The following LHFPL1 variants were observed in gnomAD, a reference collection of about 807,000 sequenced individuals.
LHFPL1 encodes LHFPL tetraspan subfamily member 1, also known as LHFPL tetraspan subfamily member 1 protein.
A neutral mutation model predicts 12.1 loss-of-function variants in LHFPL1; 4 were observed. The ratio of observed to expected loss-of-function variants is 0.33; its 90% CI spans 0.16 to 0.76. LHFPL1 has a LOEUF of 0.76. Among genes scored for constraint, LHFPL1 ranks in the 30% least tolerant of loss-of-function variants. The pLI, the probability that LHFPL1 is intolerant of heterozygous loss-of-function variation, is 0.61. For synonymous variants in LHFPL1, 52 were observed against 61.9 expected, an observed-to-expected ratio of 0.84 and a Z score of 0.75; for missense variants, 141 against 174.1, an observed-to-expected ratio of 0.81 and a Z score of 1.07.
At chrX:112,671,477 AT>A in intron 1 of LHFPL1, 73 bp from the exon 2 acceptor site, 1 of 1,198,242 alleles carries the variant, frequency 8.3e-7, no homozygotes. Context: ...CCACTGGCCT[AT>A]TTTTCATCTG....
At chrX:112,651,926 C>T (rs1255558577) in intron 3 of LHFPL1, among the ~76,000 whole-genome samples, 2 of 112,864 alleles carry the variant, frequency 1.8e-5, no homozygotes, top group African/African-American at 3.2e-5. Context: ...CTAATGCCTA[C>T]GTCTCTGAGA....
Position 112,651,157 on chromosome X carries a change from G to A in LHFPL1, c.481+9470C>T, listed in dbSNP as rs188309346. 4.2e-3 allele frequency among the ~76,000 whole-genome samples: 469 copies of A among 111,750 alleles called. 1 individual carries two copies. The highest frequency in any genetic ancestry group is 0.014 in the African/African-American group (446 of 30,784). Reference sequence around the variant, plus strand: ...TGAAGAATTTCCCATTACTTAGACTGGGCTCTCTTCTCTTCTCACTCAACT... The same window carrying A: ...TGAAGAATTTCCCATTACTTAGACTAGGCTCTCTTCTCTTCTCACTCAACT... On this transcript the variant is annotated intron_variant, in intron 3 of 3. Coordinates refer to ENST00000371968, the MANE Select transcript of LHFPL1 (RefSeq NM_178175.4).
At chrX:112,633,971 A>C (rs1199765845) in intron 3 of LHFPL1, among the ~76,000 whole-genome samples, 2 of 111,316 alleles carry the variant, frequency 1.8e-5, no homozygotes, top group African/African-American at 6.5e-5. Flanking sequence ...CACACACACA[A>C]ACACACACAC....
At chrX:112,664,773 G>T (rs1183843497) in intron 2 of LHFPL1, among the ~76,000 whole-genome samples, 1 of 111,797 alleles carries the variant, frequency 8.9e-6, no homozygotes, top group East Asian at 2.8e-4. Flanking sequence ...AATTATATTT[G>T]TCTCCAGCAG....
intron 3 of LHFPL1, among the ~76,000 whole-genome samples, chrX:112,656,148 G>C (rs763875871): frequency 1.4e-4 from 16 of 111,571 alleles, no homozygotes; most frequent in Non-Finnish European, 2.4e-4. Flanking sequence ...GCAAGGTATA[G>C]AATGAATTAT....
At chrX:112,670,418 G>A (rs1174503268) in intron 2 of LHFPL1, among the ~76,000 whole-genome samples, 1 of 112,435 alleles carries the variant, frequency 8.9e-6, no homozygotes, top group Non-Finnish European at 1.9e-5. Context: ...GGAAGGACAA[G>A]TAAGGTGGGT....
intron 1 of LHFPL1, among the ~76,000 whole-genome samples, chrX:112,678,726 C>A (rs762316734): frequency 2.7e-5 from 3 of 112,072 alleles, no homozygotes; most frequent in Non-Finnish European, 5.6e-5. Context: ...GTTCAAAATG[C>A]AGACTATGTC....
chrX:112,671,464 G>C (rs1363190785), intron 1 of LHFPL1, 60 bp from the exon 2 acceptor site: 2 of 1,202,633 alleles, frequency 1.7e-6, no homozygotes, highest in Admixed American at 4.4e-5. Context: ...TACCATGTAG[G>C]CTCCACTGGC....
chrX:112,654,920 T>A (rs1349271284), intron 3 of LHFPL1, among the ~76,000 whole-genome samples: 2 of 111,770 alleles, frequency 1.8e-5, no homozygotes, highest in Non-Finnish European at 3.8e-5. Flanking sequence ...TGGCATTAAC[T>A]GATGTCATTC....
chrX:112,635,666 G>A (rs982115996), intron 3 of LHFPL1, among the ~76,000 whole-genome samples: 26 of 111,984 alleles, frequency 2.3e-4, no homozygotes, highest in Admixed American at 9.5e-4. Context: ...GAATATCCAG[G>A]GAAGGAGGAA....
intron 3 of LHFPL1, among the ~76,000 whole-genome samples, chrX:112,638,059 G>A (rs1007839606): frequency 9.0e-6 from 1 of 111,567 alleles, no homozygotes; most frequent in African/African-American, 3.3e-5. Flanking sequence ...ATAGTTCAAG[G>A]GTGTAGATTG....
chrX:112,651,700 C>T (rs1867266717), intron 3 of LHFPL1, among the ~76,000 whole-genome samples: 1 of 111,896 alleles, frequency 8.9e-6, no homozygotes, highest in Non-Finnish European at 1.9e-5. Context: ...GCTCCACTGT[C>T]ACCTTTGCAA....
chrX:112,665,183 CT>C (rs370572077), intron 2 of LHFPL1, among the ~76,000 whole-genome samples: 5,891 of 97,845 alleles, frequency 0.06, 161 homozygotes, highest in Middle Eastern at 0.093. Context: ...AAGTCTGTCT[CT>C]TTTTTTTTTT....
intron 1 of LHFPL1, among the ~76,000 whole-genome samples, chrX:112,674,182 A>G (rs758120962): frequency 2.1e-4 from 23 of 111,906 alleles, no homozygotes; most frequent in Non-Finnish European, 4.1e-4. Context: ...ACAAAAACAT[A>G]AAGTGGGGAA....
chrX:112,677,090 G>A (rs1451221186), intron 1 of LHFPL1, among the ~76,000 whole-genome samples: 3 of 111,522 alleles, frequency 2.7e-5, no homozygotes, highest in Admixed American at 9.5e-5. Flanking sequence ...AAAGTGAAAC[G>A]TTGCTTTTAT....
At chrX:112,679,409 G>GAAAT (rs1257601789) in intron 1 of LHFPL1, among the ~76,000 whole-genome samples, 1 of 111,633 alleles carries the variant, frequency 9.0e-6, no homozygotes, top group Admixed American at 9.5e-5. Context: ...TAACCCCTTA[G>GAAAT]ATTTAGGCAA....
At chrX:112,671,610 C>G in intron 1 of LHFPL1, among the ~76,000 whole-genome samples, 1 of 112,159 alleles carries the variant, frequency 8.9e-6, no homozygotes, top group Non-Finnish European at 1.9e-5. Context: ...CCCACCTTCC[C>G]TTCCTTCTGC....
chrX:112,675,337 C>T (rs888640542), intron 1 of LHFPL1, among the ~76,000 whole-genome samples: 5 of 110,846 alleles, frequency 4.5e-5, no homozygotes, highest in Admixed American at 1.9e-4. Context: ...GGCAGAGGAA[C>T]GGACTATCTC....
intron 2 of LHFPL1, among the ~76,000 whole-genome samples, chrX:112,661,392 A>C (rs1277196202): frequency 8.9e-6 from 1 of 111,892 alleles, no homozygotes; most frequent in Non-Finnish European, 1.9e-5. Context: ...AACCAGAGAT[A>C]CAAATCTGGG....
Sources: gnomAD v4.1 joint callset for allele counts (sites outside exome capture counted in the v4.1 genomes callset) on GRCh38, gnomAD v4.1.1 for gene constraint, MANE v1.5 for transcripts, NCBI Gene and HGNC (gene_info 2026-07-23, HGNC 2026-07-21) for gene names.